Variants in RNF180 observed in about 807,000 individuals in gnomAD.
RNF180 encodes ring finger protein 180.
A neutral mutation model predicts 59.2 loss-of-function variants in RNF180; 38 were observed. The observed-to-expected ratio is 0.64, with a 90% CI of 0.50 to 0.84. The LOEUF (loss-of-function observed/expected upper bound fraction) is 0.84, where lower values mean the gene tolerates loss of function less well. Among genes scored for constraint, RNF180 ranks in the 40% least tolerant of loss-of-function variants. The pLI, the probability that RNF180 is intolerant of heterozygous loss-of-function variation, is 0.00. For missense variants in RNF180, 705 were observed against 700.9 expected, an observed-to-expected ratio of 1.01 and a Z score of -0.07; for synonymous variants, 262 against 240.3, an observed-to-expected ratio of 1.09 and a Z score of -0.84.
chr5:64,239,654 G>T (rs1457568597), intron 5 of RNF180, among the ~76,000 whole-genome samples: 1 of 152,028 alleles, frequency 6.6e-6, no homozygotes, highest in Non-Finnish European at 1.5e-5. Context: ...TAAAATCAGC[G>T]ATTTTATGAA....
At chr5:64,327,896 ATC>A (rs1173350604) in intron 6 of RNF180, among the ~76,000 whole-genome samples, 5 of 152,198 alleles carry the variant, frequency 3.3e-5, no homozygotes, top group Non-Finnish European at 5.9e-5. Context: ...ATTGAGATCT[ATC>A]TCTCTCTCTT....
chr5:64,181,533 T>C (rs549239104), intron 1 of RNF180, among the ~76,000 whole-genome samples: 5 of 152,154 alleles, frequency 3.3e-5, no homozygotes, highest in Non-Finnish European at 7.3e-5. Context: ...CTGAAAAATA[T>C]TGAGCTAAAA....
intron 7 of RNF180, among the ~76,000 whole-genome samples, chr5:64,341,172 C>G (rs997344477): frequency 1.9e-4 from 29 of 152,136 alleles, no homozygotes; most frequent in African/African-American, 6.8e-4. Context: ...CTGAAATTAG[C>G]TCAAGAAATA....
intron 5 of RNF180, among the ~76,000 whole-genome samples, chr5:64,291,651 T>C (rs979091865): frequency 6.6e-6 from 1 of 151,740 alleles, no homozygotes; most frequent in African/African-American, 2.4e-5. Context: ...ATGGTCTCGA[T>C]CTCCTGACCT....
chr5:64,236,875 G>A (rs1742474846), intron 5 of RNF180, among the ~76,000 whole-genome samples: 1 of 152,218 alleles, frequency 6.6e-6, no homozygotes, highest in Non-Finnish European at 1.5e-5. Context: ...TGTTGGGCCT[G>A]TGGGTGTGCA....
At chr5:64,314,395 C>T (rs1452471331) in intron 5 of RNF180, among the ~76,000 whole-genome samples, 1 of 151,952 alleles carries the variant, frequency 6.6e-6, no homozygotes, top group Non-Finnish European at 1.5e-5. Flanking sequence ...CCTAAATAAT[C>T]GTATTTACTA....
At chr5:64,299,486 A>G (rs1218934148) in intron 5 of RNF180, among the ~76,000 whole-genome samples, 25 of 151,988 alleles carry the variant, frequency 1.6e-4, no homozygotes, top group Non-Finnish European at 7.4e-5. Flanking sequence ...TTGATTTTAA[A>G]ATAACAAATG....
intron 5 of RNF180, among the ~76,000 whole-genome samples, chr5:64,320,264 A>G (rs1339170174): frequency 6.6e-6 from 1 of 152,144 alleles, no homozygotes. Flanking sequence ...TAGCTTTGAC[A>G]TTTACACTCT....
intron 5 of RNF180, among the ~76,000 whole-genome samples, chr5:64,251,795 A>G (rs993998132): frequency 6.6e-6 from 1 of 151,908 alleles, no homozygotes; most frequent in African/African-American, 2.4e-5. Context: ...TAGCATTTCT[A>G]CACACAGTGA....
chr5:64,256,865 T>A (rs1743999621), intron 5 of RNF180, among the ~76,000 whole-genome samples: 1 of 152,336 alleles, frequency 6.6e-6, no homozygotes, highest in South Asian at 2.1e-4. Context: ...GTTTGTGTCC[T>A]CTTTTATTTC....
chr5:64,234,434 C>T (rs1742283149), intron 5 of RNF180, among the ~76,000 whole-genome samples: 1 of 151,674 alleles, frequency 6.6e-6, no homozygotes, highest in African/African-American at 2.4e-5. Flanking sequence ...CCAGTGCACT[C>T]CAGCATGGGC....
chr5:64,329,429 A>G (rs1411064426), intron 6 of RNF180, among the ~76,000 whole-genome samples: 1 of 149,738 alleles, frequency 6.7e-6, no homozygotes, highest in Admixed American at 6.6e-5. Context: ...ATTATTGTGC[A>G]TTAGTTAGAT....
intron 5 of RNF180, among the ~76,000 whole-genome samples, chr5:64,226,438 T>C (rs1484937390): frequency 6.6e-6 from 1 of 152,180 alleles, no homozygotes; most frequent in Non-Finnish European, 1.5e-5. Context: ...CAAGATGTGC[T>C]TTGTTAAACA....
At chr5:64,265,462 A>G (rs1744606460) in intron 5 of RNF180, among the ~76,000 whole-genome samples, 1 of 152,178 alleles carries the variant, frequency 6.6e-6, no homozygotes, top group Non-Finnish European at 1.5e-5. Flanking sequence ...CAGTTTTCCC[A>G]ACACAATTTA....
intron 5 of RNF180, among the ~76,000 whole-genome samples, chr5:64,307,266 T>G (rs940278296): frequency 6.6e-6 from 1 of 151,374 alleles, no homozygotes; most frequent in East Asian, 1.9e-4. Context: ...CAGTATTGAT[T>G]TAATTAGGTT....
chr5:64,262,298 A>G (rs1744390083), intron 5 of RNF180, among the ~76,000 whole-genome samples: 1 of 152,158 alleles, frequency 6.6e-6, no homozygotes, highest in South Asian at 2.1e-4. Flanking sequence ...AATAAGTAAA[A>G]GCAGTTTGGG....
chr5:64,234,578 C>CTTTTTT (rs1171637074), intron 5 of RNF180, among the ~76,000 whole-genome samples: 784 of 48,524 alleles, frequency 0.016, 296 homozygotes, highest in Non-Finnish European at 0.024. Context: ...GTTACCCGTT[C>CTTTTTT]TTTTTTTTTT....
At chr5:64,295,544 A>G (rs534334023) in intron 5 of RNF180, among the ~76,000 whole-genome samples, 2 of 152,294 alleles carry the variant, frequency 1.3e-5, no homozygotes, top group South Asian at 4.1e-4. Context: ...TGTACTTGAT[A>G]CTAATTAAAG....
intron 2 of RNF180, among the ~76,000 whole-genome samples, chr5:64,207,617 A>T (rs899799587): frequency 6.6e-6 from 1 of 152,138 alleles, no homozygotes; most frequent in African/African-American, 2.4e-5. Flanking sequence ...TTATTTTGGT[A>T]ATAGTGTGAA....
Sources: allele counts gnomAD v4.1 joint callset (sites outside exome capture counted in the v4.1 genomes callset), GRCh38; gene constraint gnomAD v4.1.1; transcripts MANE v1.5; gene names NCBI Gene and HGNC (gene_info 2026-07-23, HGNC 2026-07-21).